Variants in SHISA9 observed in about 807,000 individuals in gnomAD.
The protein encoded by SHISA9 is shisa family member 9, also known as protein shisa-9.
A neutral mutation model predicts 38.0 loss-of-function variants in SHISA9; 13 were observed. That is an observed-to-expected ratio of 0.34 (90% CI 0.22 to 0.54). The LOEUF (loss-of-function observed/expected upper bound fraction) is 0.54, where lower values mean the gene tolerates loss of function less well. Among genes scored for constraint, SHISA9 ranks in the 20% least tolerant of loss-of-function variants. SHISA9 has a pLI of 0.91. For missense variants in SHISA9, 538 were observed against 575.8 expected, an observed-to-expected ratio of 0.93 and a Z score of 0.67; for synonymous variants, 275 against 242.0, an observed-to-expected ratio of 1.14 and a Z score of -1.27.
At chr16:12,934,730 A>G (rs922538779) in intron 2 of SHISA9, among the ~76,000 whole-genome samples, 1 of 152,230 alleles carries the variant, frequency 6.6e-6, no homozygotes, top group African/African-American at 2.4e-5. Flanking sequence ...AAAGGAAGTG[A>G]AAGCCAAAGC....
intron 2 of SHISA9, among the ~76,000 whole-genome samples, chr16:12,973,574 A>C (rs1277597560): frequency 3.3e-5 from 5 of 152,224 alleles, no homozygotes; most frequent in African/African-American, 1.2e-4. Context: ...CCTGCAGACA[A>C]AAATGAACTT....
the SHISA9 span, among the ~76,000 whole-genome samples, chr16:13,530,775 A>G: frequency 6.6e-6 from 1 of 152,120 alleles, no homozygotes; most frequent in Non-Finnish European, 1.5e-5. Flanking sequence ...CGGGAGGCCA[A>G]CCTGACCTGT....
the SHISA9 span, among the ~76,000 whole-genome samples, chr16:13,292,688 A>T: frequency 6.6e-6 from 1 of 152,148 alleles, no homozygotes; most frequent in Non-Finnish European, 1.5e-5. Flanking sequence ...ACAAAAAAGA[A>T]GTCTTATCTT....
the SHISA9 span, among the ~76,000 whole-genome samples, chr16:13,358,068 C>T: frequency 4.6e-5 from 7 of 152,106 alleles, no homozygotes; most frequent in African/African-American, 1.7e-4. Context: ...GACAGTATGC[C>T]TCTGTGATGG....
the SHISA9 span, among the ~76,000 whole-genome samples, chr16:13,396,506 C>T: frequency 9.9e-5 from 15 of 152,258 alleles, no homozygotes; most frequent in Non-Finnish European, 1.8e-4. Flanking sequence ...CTCCCCGACC[C>T]TCAACCAGAA....
chr16:13,136,262 A>G (rs930741151), intron 2 of SHISA9, among the ~76,000 whole-genome samples: 1 of 152,104 alleles, frequency 6.6e-6, no homozygotes, highest in Non-Finnish European at 1.5e-5. Context: ...CCTATAAGGT[A>G]GTCTGAGGAT....
chr16:13,494,205 A>G, the SHISA9 span, among the ~76,000 whole-genome samples: 6 of 152,222 alleles, frequency 3.9e-5, no homozygotes, highest in African/African-American at 1.2e-4. Context: ...CCTTTGTATC[A>G]TCAGTGGGGC....
chr16:13,434,275 C>A, the SHISA9 span, among the ~76,000 whole-genome samples: 1 of 152,158 alleles, frequency 6.6e-6, no homozygotes, highest in South Asian at 2.1e-4. Context: ...TGAGGGTAGG[C>A]CTTCCTTTCT....
At chr16:13,263,750 A>T in the SHISA9 span, among the ~76,000 whole-genome samples, 1 of 152,142 alleles carries the variant, frequency 6.6e-6, no homozygotes, top group Admixed American at 6.5e-5. Flanking sequence ...TGCCAATACC[A>T]ATTTCCTGGG....
chr16:13,015,886 C>CTTTCTTTCTTTCT (rs2072743023), intron 2 of SHISA9, among the ~76,000 whole-genome samples: 1 of 113,338 alleles, frequency 8.8e-6, no homozygotes, highest in Admixed American at 8.8e-5. Context: ...TTCTTTCTTT[C>CTTTCTTTCTTTCT]TTTCTTTCTT....
chr16:13,318,051 A>G, the SHISA9 span, among the ~76,000 whole-genome samples: 2 of 151,368 alleles, frequency 1.3e-5, no homozygotes, highest in Non-Finnish European at 1.5e-5. Context: ...CACTGTGGCA[A>G]TGTCTATAAT....
chr16:13,123,382 A>T (rs1014914075), intron 2 of SHISA9, among the ~76,000 whole-genome samples: 3 of 152,258 alleles, frequency 2.0e-5, no homozygotes, highest in Non-Finnish European at 2.9e-5. Context: ...TTGAGTGCCT[A>T]GTCTAATCCA....
the SHISA9 span, among the ~76,000 whole-genome samples, chr16:13,538,518 A>G: frequency 6.6e-6 from 1 of 152,236 alleles, no homozygotes; most frequent in East Asian, 1.9e-4. Flanking sequence ...TGGATTTTAA[A>G]CTTTCAACTA....
chr16:12,987,277 A>C (rs960886086), intron 2 of SHISA9, among the ~76,000 whole-genome samples: 4 of 152,260 alleles, frequency 2.6e-5, no homozygotes, highest in Admixed American at 2.0e-4. Context: ...GAGTAACTTC[A>C]AAAAAGCAAT....
At chr16:13,445,759 C>T in the SHISA9 span, among the ~76,000 whole-genome samples, 381 of 152,210 alleles carry the variant, frequency 2.5e-3, 2 homozygotes, top group African/African-American at 9.1e-3. Flanking sequence ...CTACTTGAAG[C>T]CAGACGACCT....
At chr16:12,997,892 C>A (rs1459956807) in intron 2 of SHISA9, among the ~76,000 whole-genome samples, 2 of 152,184 alleles carry the variant, frequency 1.3e-5, no homozygotes, top group African/African-American at 4.8e-5. Context: ...ACCTGAGAAG[C>A]TTGCATATTT....
chr16:13,328,841 G>A, the SHISA9 span, among the ~76,000 whole-genome samples: 1 of 152,110 alleles, frequency 6.6e-6, no homozygotes, highest in African/African-American at 2.4e-5. Context: ...AATTATTTAG[G>A]CAGATAGTGA....
At chr16:13,392,503 G>A in the SHISA9 span, among the ~76,000 whole-genome samples, 1 of 152,126 alleles carries the variant, frequency 6.6e-6, no homozygotes, top group African/African-American at 2.4e-5. Context: ...AATTCAGTTG[G>A]GGCTCCATTT....
chr16:13,453,034 G>A, the SHISA9 span, among the ~76,000 whole-genome samples: 3,653 of 151,650 alleles, frequency 0.024, 150 homozygotes, highest in East Asian at 0.21. Context: ...TCAGCCTCCC[G>A]AGTAGCTGGA....
Sources: allele counts gnomAD v4.1 joint callset (sites outside exome capture counted in the v4.1 genomes callset), GRCh38; gene constraint gnomAD v4.1.1; transcripts MANE v1.5; gene names NCBI Gene and HGNC (gene_info 2026-07-23, HGNC 2026-07-21).